WDPCP: variants seen among roughly 807,000 people sequenced by gnomAD.
The protein encoded by WDPCP is WD repeat-containing and planar cell polarity effector protein fritz homolog.
In WDPCP, 71 loss-of-function variants were observed where a neutral mutation model predicts 93.1. The observed-to-expected ratio is 0.76, with a 90% CI of 0.63 to 0.93. WDPCP has a LOEUF of 0.93. Ranked by LOEUF, WDPCP falls within the 40% of genes least tolerant of loss-of-function variation. The pLI is 0.00. For synonymous variants in WDPCP, 315 were observed against 315.0 expected, an observed-to-expected ratio of 1.00 and a Z score of 0.00; for missense variants, 844 against 887.4, an observed-to-expected ratio of 0.95 and a Z score of 0.62.
At position 63,521,491 on chromosome 2, in the gene WDPCP, A is replaced by C. The variant is rs150725910; in HGVS notation, c.76-28551T>G. Among the ~76,000 whole-genome samples the C allele has an allele frequency of 2.0e-5, 3 of 152,230 alleles. No individual in the cohort carries two copies. In the East Asian group the frequency reaches 5.8e-4, roughly 29 times the overall value. ...ATTACATAATGGTAAAAGGCTCAAT[A>C]CACACCCCATACAGGAGCACCCAGA... On this transcript the variant is annotated intron_variant, in intron 1 of 17. Coordinates refer to ENST00000272321, the MANE Select transcript of WDPCP (RefSeq NM_015910.7).
At chr2:63,588,612 C>T, upstream of WDPCP, 1 of 504,644 alleles carries the variant, frequency 2.0e-6, no homozygotes. Flanking sequence ...CAGTCACGCG[C>T]GTGGGGGTGA....
intron 1 of WDPCP, among the ~76,000 whole-genome samples, chr2:63,499,390 G>A (rs1425261536): frequency 1.3e-5 from 2 of 152,142 alleles, no homozygotes; most frequent in African/African-American, 4.8e-5. Flanking sequence ...TCAGGAATTA[G>A]GACTTTGTAT....
chr2:63,234,934 C>T (rs1679251613), intron 14 of WDPCP, among the ~76,000 whole-genome samples: 1 of 152,090 alleles, frequency 6.6e-6, no homozygotes, highest in African/African-American at 2.4e-5. Context: ...TTTATTACCA[C>T]TAATATAAAC....
intron 14 of WDPCP, among the ~76,000 whole-genome samples, chr2:63,248,665 A>G (rs1387034548): frequency 2.0e-5 from 3 of 152,108 alleles, no homozygotes. Flanking sequence ...ATATATTGGT[A>G]TATTTGATGA....
chr2:63,694,157 A>G (rs905545652), intron 2 of WDPCP, among the ~76,000 whole-genome samples: 1 of 152,188 alleles, frequency 6.6e-6, no homozygotes, highest in Non-Finnish European at 1.5e-5. Context: ...GTATAGAAAA[A>G]GAGTTAATCA....
intron 14 of WDPCP, among the ~76,000 whole-genome samples, chr2:63,191,492 A>G (rs530870216): frequency 1.3e-5 from 2 of 152,314 alleles, no homozygotes; most frequent in Admixed American, 6.5e-5. Context: ...GGGATTTAGC[A>G]TAAAAATCCA....
chr2:63,830,874 A>AT (rs1449096905), upstream of WDPCP, among the ~76,000 whole-genome samples: 1 of 152,164 alleles, frequency 6.6e-6, no homozygotes, highest in African/African-American at 2.4e-5. Context: ...TTAAAAAACT[A>AT]TATGTTGACA....
At chr2:63,392,191 T>C (rs1376821373) in intron 10 of WDPCP, among the ~76,000 whole-genome samples, 2 of 152,140 alleles carry the variant, frequency 1.3e-5, no homozygotes, top group African/African-American at 4.8e-5. Flanking sequence ...AACAGAGATA[T>C]AGACCAATGG....
At chr2:63,330,552 T>G (rs921818797) in intron 12 of WDPCP, among the ~76,000 whole-genome samples, 2 of 152,192 alleles carry the variant, frequency 1.3e-5, no homozygotes, top group African/African-American at 4.8e-5. Context: ...GCTGATTTTT[T>G]TTTTCTTTGC....
intron 1 of WDPCP, 150 bp from the exon 2 acceptor site, chr2:63,493,090 T>G: frequency 1.5e-6 from 1 of 679,958 alleles, no homozygotes; most frequent in South Asian, 1.9e-5. Context: ...TAGTGTATCC[T>G]TGGTTAACCA....
At chr2:63,666,867 A>T (rs932066908) in intron 2 of WDPCP, among the ~76,000 whole-genome samples, 3 of 152,216 alleles carry the variant, frequency 2.0e-5, no homozygotes, top group Non-Finnish European at 4.4e-5. Flanking sequence ...GGAAATCAGC[A>T]TTGGAACCTT....
intron 6 of WDPCP, among the ~76,000 whole-genome samples, chr2:63,453,989 G>A (rs1698452797): frequency 6.7e-6 from 1 of 150,372 alleles, no homozygotes; most frequent in Non-Finnish European, 1.5e-5. Context: ...ATAGCATTAG[G>A]AGATATACCT....
At chr2:63,444,800 A>G (rs1322322530) in intron 6 of WDPCP, among the ~76,000 whole-genome samples, 1 of 152,156 alleles carries the variant, frequency 6.6e-6, no homozygotes. Flanking sequence ...ATAGAAACCG[A>G]AACTCTTCTT....
At chr2:63,165,794 G>A (rs535125046) in intron 15 of WDPCP, among the ~76,000 whole-genome samples, 5 of 151,538 alleles carry the variant, frequency 3.3e-5, no homozygotes, top group South Asian at 2.1e-4. Flanking sequence ...TGTTTAAATG[G>A]TTAATTTCTC....
chr2:63,258,762 C>G, intron 14 of WDPCP, among the ~76,000 whole-genome samples: 1 of 152,146 alleles, frequency 6.6e-6, no homozygotes, highest in Non-Finnish European at 1.5e-5. Flanking sequence ...TTTTTATAAA[C>G]TTTCATTTTT....
chr2:63,372,697 A>G (rs1691497295), intron 12 of WDPCP, among the ~76,000 whole-genome samples: 1 of 152,164 alleles, frequency 6.6e-6, no homozygotes, highest in Non-Finnish European at 1.5e-5. Context: ...TTGACAGTGG[A>G]CTTTTGTGTA....
chr2:63,369,275 G>A (rs1254304931), intron 12 of WDPCP: 4 of 383,658 alleles, frequency 1.0e-5, no homozygotes, highest in South Asian at 1.9e-5. Flanking sequence ...TATAGGCACT[G>A]TATGTCTTTT....
chr2:63,206,698 C>T (rs1481416497), intron 14 of WDPCP, among the ~76,000 whole-genome samples: 4 of 152,088 alleles, frequency 2.6e-5, no homozygotes, highest in Non-Finnish European at 4.4e-5. Flanking sequence ...CTCAGCATCC[C>T]ACTTATTGTA....
At chr2:63,554,995 C>T (rs771057838) in intron 1 of WDPCP, among the ~76,000 whole-genome samples, 2 of 152,320 alleles carry the variant, frequency 1.3e-5, no homozygotes, top group South Asian at 2.1e-4. Context: ...TTAGGAGATC[C>T]CCTCATGAGC....
Sources: gnomAD v4.1 joint callset for allele counts (sites outside exome capture counted in the v4.1 genomes callset) on GRCh38, gnomAD v4.1.1 for gene constraint, MANE v1.5 for transcripts, NCBI Gene and HGNC (gene_info 2026-07-23, HGNC 2026-07-21) for gene names.